Variants in CPAMD8 observed in about 807,000 individuals in gnomAD.
CPAMD8 encodes C3 and PZP like alpha-2-macroglobulin domain containing 8.
Under a neutral mutation model 224.7 loss-of-function variants are expected in CPAMD8, and 146 were observed. The observed-to-expected ratio is 0.65, with a 90% CI of 0.57 to 0.75. The LOEUF (loss-of-function observed/expected upper bound fraction) is 0.75. Among genes scored for constraint, CPAMD8 ranks in the 30% least tolerant of loss-of-function variants. The pLI, the probability that CPAMD8 is intolerant of heterozygous loss-of-function variation, is 0.00. For missense variants in CPAMD8, 2,301 were observed against 2,537.5 expected (o/e 0.91, Z 2.00); for synonymous variants, 966 against 1,044.6 (o/e 0.92, Z 1.45).
chr19:16,903,435 C>T, intron 34 of CPAMD8, 126 bp downstream of exon 34: 1 of 1,393,262 alleles, frequency 7.2e-7, no homozygotes, highest in Non-Finnish European at 9.8e-7. Context: ...GAAAACCTGT[C>T]CTGCAGTCTG....
At position 16,940,422 on chromosome 19, in the gene CPAMD8, C is replaced by T. The variant is rs550736261; in HGVS notation, c.2794-1976G>A. On this transcript the variant is annotated intron_variant, in intron 22 of 41. Transcript: ENST00000443236. ...ATTCCTGCTGACTGGCTTAGGGCCA[C>T]TCACTCAACCTCTCTGGGCCCCCAT... is the stretch of plus-strand genomic sequence containing the variant. 2.1e-3 allele frequency among the ~76,000 whole-genome samples: 323 copies of T among 152,008 alleles called. 1 individual carries two copies. Among genetic ancestry groups the T allele is most frequent in the Non-Finnish European group, 3.5e-3 (236 of 67,994 alleles).
intron 11 of CPAMD8, among the ~76,000 whole-genome samples, chr19:16,996,818 A>T (rs1472072384): frequency 5.1e-4 from 3 of 5,854 alleles, no homozygotes; most frequent in Admixed American, 1.5e-3. Flanking sequence ...GACTATCTCT[A>T]AAAAAAAAAA....
chr19:16,897,572 T>A, intron 39 of CPAMD8, 119 bp downstream of exon 39: 1 of 607,786 alleles, frequency 1.6e-6, no homozygotes. Context: ...TGCGTTCTCC[T>A]GACTTTACGT....
intron 7 of CPAMD8, among the ~76,000 whole-genome samples, chr19:17,008,185 G>A (rs1377102100): frequency 6.6e-6 from 1 of 152,132 alleles, no homozygotes; most frequent in African/African-American, 2.4e-5. Context: ...TAAAAAACAA[G>A]GTGAGAGCAG....
chr19:16,904,665 G>A, intron 30 of CPAMD8, 113 bp from the exon 31 acceptor site: 1 of 747,308 alleles, frequency 1.3e-6, no homozygotes, highest in Admixed American at 2.0e-5. Flanking sequence ...GACCCCAGTG[G>A]GAGAAGAGTA....
chr19:16,897,433 C>A, intron 39 of CPAMD8: 1 of 527,486 alleles, frequency 1.9e-6, no homozygotes, highest in Non-Finnish European at 3.3e-6. Flanking sequence ...GCCCTGCCCC[C>A]AGTATACTGA....
intron 36 of CPAMD8, 25 bp downstream of exon 36, chr19:16,901,185 C>T: frequency 6.4e-7 from 1 of 1,563,938 alleles, no homozygotes; most frequent in Non-Finnish European, 8.7e-7. Flanking sequence ...TCCCTGCCCA[C>T]CGCTGCTCAC....
chr19:16,993,712 C>A (rs528860390), intron 11 of CPAMD8, 126 bp from the exon 12 acceptor site: 1 of 857,128 alleles, frequency 1.2e-6, no homozygotes, highest in Non-Finnish European at 1.8e-6. Flanking sequence ...CAAACTGCTC[C>A]TGAAATTCAC....
In CPAMD8 at chr19:17,011,742, G is replaced by A. The variant is rs748297661; in HGVS notation, c.283C>T (p.Arg95Trp). 41 of 1,613,446 alleles carry A rather than the reference G, an allele frequency of 2.5e-5. 1 individual carries two copies. The highest frequency in any genetic ancestry group is 2.4e-4 in the South Asian group (22 of 91,006). The part of the protein sequence containing the change: ...TIKLKVPTGL[R>W]GQALLKVWGR... The stretch of plus-strand genomic sequence containing the variant: ...CACACTTTCAGAAGCGCTTGGCCCC[G>A]GAGGCCCGTGGGCACCTGCAGGCAG... Residue 95 changes from arginine (R) to tryptophan (W), a missense_variant, in exon 4 of 42, where the codon CGG becomes TGG. Arg to Trp is a moderately radical substitution (Grantham distance 101). This residue lies in a region of CPAMD8 where 283 missense variants were observed against 340.6 expected (regional missense o/e 0.83). Transcript: ENST00000443236.
intron 23 of CPAMD8, among the ~76,000 whole-genome samples, chr19:16,934,969 G>A (rs2053643866): frequency 6.6e-6 from 1 of 151,734 alleles, no homozygotes; most frequent in Non-Finnish European, 1.5e-5. Flanking sequence ...TTAAGCACTC[G>A]CTCCCTATTC....
At chr19:16,897,558 A>G (rs1233019013) in intron 39 of CPAMD8, 133 bp downstream of exon 39, 1 of 590,000 alleles carries the variant, frequency 1.7e-6, no homozygotes, top group Non-Finnish European at 3.0e-6. Flanking sequence ...GCCCACCTCT[A>G]TGCTGCGTTC....
chr19:16,916,243 G>A (rs1241308313), intron 27 of CPAMD8, among the ~76,000 whole-genome samples: 1 of 151,850 alleles, frequency 6.6e-6, no homozygotes, highest in Admixed American at 6.6e-5. Flanking sequence ...CGAACTCCTG[G>A]GCTCCAGTGA....
chr19:16,966,731 T>C (rs1381551981), intron 18 of CPAMD8, among the ~76,000 whole-genome samples: 1 of 151,944 alleles, frequency 6.6e-6, no homozygotes, highest in Non-Finnish European at 1.5e-5. Flanking sequence ...ATCCAACACA[T>C]GAAAAAATGC....
intron 27 of CPAMD8, among the ~76,000 whole-genome samples, chr19:16,918,216 A>G (rs1315562305): frequency 6.6e-6 from 1 of 152,040 alleles, no homozygotes; most frequent in Non-Finnish European, 1.5e-5. Context: ...GCTGGTCTCG[A>G]ACTCCTGACC....
At chr19:17,025,441 A>T (rs1025336609) in intron 1 of CPAMD8, among the ~76,000 whole-genome samples, 11 of 152,034 alleles carry the variant, frequency 7.2e-5, no homozygotes, top group African/African-American at 2.7e-4. Context: ...AACCCCAAAA[A>T]CAACAAACAA....
intron 14 of CPAMD8, among the ~76,000 whole-genome samples, chr19:16,978,607 G>C (rs1041476714): frequency 7.9e-5 from 12 of 152,214 alleles, no homozygotes; most frequent in African/African-American, 2.6e-4. Flanking sequence ...CTGCTGGAGG[G>C]GATGCTACTG....
At chr19:17,009,192 C>T in intron 6 of CPAMD8, 111 bp downstream of exon 6, 1 of 1,584,712 alleles carries the variant, frequency 6.3e-7, no homozygotes, top group South Asian at 1.1e-5. Context: ...CCTTGTAAGG[C>T]ACAGCGGCTC....
At chr19:16,922,626 C>T (rs2053220314) in intron 26 of CPAMD8, among the ~76,000 whole-genome samples, 1 of 151,328 alleles carries the variant, frequency 6.6e-6, no homozygotes, top group South Asian at 2.1e-4. Flanking sequence ...GAAACTGCCT[C>T]ATACCACATG....
At chr19:16,996,551 G>A (rs2056129016) in intron 11 of CPAMD8, among the ~76,000 whole-genome samples, 1 of 152,140 alleles carries the variant, frequency 6.6e-6, no homozygotes, top group Admixed American at 6.6e-5. Context: ...AGGAGTGATG[G>A]CTCACGCCTG....
Sources: gnomAD v4.1 joint callset for allele counts (sites outside exome capture counted in the v4.1 genomes callset) on GRCh38, gnomAD v4.1.1 for gene constraint, gnomAD v4.1.1 regional missense constraint, MANE v1.5 for transcripts, NCBI Gene and HGNC (gene_info 2026-07-23, HGNC 2026-07-21) for gene names.